The following CPE variants were observed in gnomAD, a reference collection of about 807,000 sequenced individuals.
The protein encoded by CPE is carboxypeptidase E.
A neutral mutation model predicts 53.5 loss-of-function variants in CPE; 17 were observed. The observed-to-expected ratio is 0.32, with a 90% confidence interval of 0.22 to 0.48. The LOEUF is 0.48. CPE is among the 20% of genes least tolerant of loss of function. The pLI is 0.99. For missense variants in CPE, 524 were observed against 614.7 expected (o/e 0.85, Z 1.56); for synonymous variants, 226 against 228.8 (o/e 0.99, Z 0.11).
At position 165,482,345 on chromosome 4, in the gene CPE, A is replaced by C; in HGVS notation, c.776A>C (p.Asp259Ala). The change falls in exon 4 of 9, where the codon GAT becomes GCT. Residue 259 changes from aspartate (D) to alanine (A), a missense_variant. Coordinates refer to ENST00000402744, the MANE Select transcript of CPE (RefSeq NM_001873.4). ...GGDLVANYPY[D>A]ETRSGSAHEY... ...GACCTTGTGGCCAATTATCCATATG[A>C]TGAGACGCGGAGTGGTAGGTATTCT... is the stretch of plus-strand genomic sequence containing the variant. 1 of 1,611,050 alleles carries C rather than the reference A, an allele frequency of 6.2e-7. No homozygotes were observed. The highest frequency in any genetic ancestry group is 8.5e-7 in the Non-Finnish European group (1 of 1,177,242).
intron 1 of CPE, among the ~76,000 whole-genome samples, chr4:165,461,179 AAAAAAAAAG>A (rs1731995014): frequency 2.4e-5 from 3 of 126,562 alleles, no homozygotes; most frequent in East Asian, 2.2e-4. Context: ...AAAAAAAAAA[AAAAAAAAAG>A]AAAGAAAGAA....
chr4:165,497,216 G>T (rs1732717097), intron 8 of CPE, among the ~76,000 whole-genome samples: 1 of 152,144 alleles, frequency 6.6e-6, no homozygotes, highest in Non-Finnish European at 1.5e-5. Flanking sequence ...CACCGCGCCT[G>T]GCCAGTTACA....
intron 5 of CPE, among the ~76,000 whole-genome samples, chr4:165,485,225 G>T (rs1008288222): frequency 5.9e-5 from 9 of 152,110 alleles, no homozygotes; most frequent in Non-Finnish European, 1.3e-4. Context: ...TCCCAAGGCG[G>T]ACTTTACAGA....
At chr4:165,388,705 A>G (rs1394010393) in intron 1 of CPE, among the ~76,000 whole-genome samples, 5 of 152,240 alleles carry the variant, frequency 3.3e-5, no homozygotes, top group Admixed American at 6.5e-5. Flanking sequence ...CACAAAGACA[A>G]TATCTGTAGG....
chr4:165,441,542 C>A (rs1283558783), intron 1 of CPE, among the ~76,000 whole-genome samples: 1 of 152,148 alleles, frequency 6.6e-6, no homozygotes, highest in African/African-American at 2.4e-5. Flanking sequence ...CATTCTAGAA[C>A]CAGTCATTAT....
intron 8 of CPE, among the ~76,000 whole-genome samples, chr4:165,495,970 C>T (rs1377298923): frequency 1.3e-5 from 2 of 151,880 alleles, no homozygotes; most frequent in Admixed American, 1.3e-4. Context: ...TTTCATTTGC[C>T]TTTTTATCTT....
chr4:165,481,106 C>T (rs1732404173), intron 3 of CPE, among the ~76,000 whole-genome samples: 1 of 149,778 alleles, frequency 6.7e-6, no homozygotes, highest in Non-Finnish European at 1.5e-5. Flanking sequence ...CACTTTTCCA[C>T]AGTTAACAGT....
chr4:165,394,026 A>C (rs928527418), intron 1 of CPE, among the ~76,000 whole-genome samples: 2 of 152,198 alleles, frequency 1.3e-5, no homozygotes, highest in African/African-American at 4.8e-5. Context: ...AAAGTGGATA[A>C]AAAGGAGAGG....
intron 1 of CPE, among the ~76,000 whole-genome samples, chr4:165,450,983 T>A (rs190654314): frequency 1.6e-4 from 24 of 152,326 alleles, no homozygotes; most frequent in Admixed American, 1.4e-3. Context: ...CAAATGGCCT[T>A]TCTCCACTCA....
chr4:165,459,083 G>C (rs939929858), intron 1 of CPE, among the ~76,000 whole-genome samples: 15 of 152,118 alleles, frequency 9.9e-5, no homozygotes, highest in Non-Finnish European at 1.6e-4. Context: ...TGAGTTTCTG[G>C]GGTGTAAAAG....
In CPE at chr4:165,482,287, C is replaced by G; in HGVS notation, c.718C>G (p.Pro240Ala). 2 of 1,613,974 alleles carry G rather than the reference C, an allele frequency of 1.2e-6. No individual in the cohort carries two copies. The highest frequency in any genetic ancestry group is 1.7e-6 in the Non-Finnish European group (2 of 1,179,906). ...TGTCATTCATTGGATTATGGATATTCCTTTTGTGCTTTCTGCCAATCTCCA... is the reference window on the plus strand; with the variant it reads ...TGTCATTCATTGGATTATGGATATTGCTTTTGTGCTTTCTGCCAATCTCCA... Reference protein sequence around the residue: ...KAVIHWIMDIPFVLSANLHGG... With the variant: ...KAVIHWIMDIAFVLSANLHGG... The change falls in exon 4 of 9, where the codon CCT becomes GCT. Residue 240 changes from proline (P) to alanine (A), a missense_variant. Pro to Ala is a conservative substitution (Grantham distance 27, BLOSUM62 -1). Coordinates refer to ENST00000402744, the MANE Select transcript of CPE (RefSeq NM_001873.4).
chr4:165,456,739 ATTTTTT>A (rs35855408), intron 1 of CPE, among the ~76,000 whole-genome samples: 33 of 101,190 alleles, frequency 3.3e-4, no homozygotes, highest in African/African-American at 1.1e-3. Context: ...TGCCCAGCTA[ATTTTTT>A]TTTTTTTTTT....
At chr4:165,483,393 A>G (rs531381410) in intron 4 of CPE, among the ~76,000 whole-genome samples, 45 of 152,314 alleles carry the variant, frequency 3.0e-4, no homozygotes, top group African/African-American at 9.6e-4. Flanking sequence ...TCAACCATTG[A>G]TGGACAATTA....
At chr4:165,419,491 A>T (rs10011232) in intron 1 of CPE, among the ~76,000 whole-genome samples, 44,976 of 152,046 alleles carry the variant, frequency 0.3, 6,741 homozygotes, top group Middle Eastern at 0.39. Flanking sequence ...ACTTTATGTA[A>T]GTCATTTTAT....
In CPE at chr4:165,467,708, G is replaced by C; in HGVS notation, c.525G>C (p.Trp175Cys). 1 of 1,608,606 alleles carries C rather than the reference G, an allele frequency of 6.2e-7. No individual in the cohort carries two copies. The highest frequency in any genetic ancestry group is 8.5e-7 in the Non-Finnish European group (1 of 1,177,752). ...TTTAGCCTGGTGAACTCAAGGACTG[G>C]TTTGTGGGTCGAAGCAATGCCCAGG... is the stretch of plus-strand genomic sequence containing the variant. ...AASQPGELKD[W>C]FVGRSNAQGI... The change falls in exon 3 of 9, where the codon TGG becomes TGC. Residue 175 changes from tryptophan (W) to cysteine (C), a missense_variant. Transcript: ENST00000402744.
rs568794185 is a variant in CPE at position 165,474,674 on chromosome 4, G to A, written c.672+6819G>A. ...TCATCCTTGGGACTCTGGAATAACC[G>A]TTCTTACTGTATACCCCTAACCTTT... On this transcript the variant is annotated intron_variant, in intron 3 of 8. Transcript: ENST00000402744. Among the ~76,000 whole-genome samples the A allele has an allele frequency of 5.3e-5, 8 of 152,258 alleles. No individual in the cohort carries two copies. The East Asian group carries it at 9.6e-4, about 18-fold the overall frequency.
At chr4:165,431,658 T>C (rs1421684527) in intron 1 of CPE, among the ~76,000 whole-genome samples, 1 of 152,200 alleles carries the variant, frequency 6.6e-6, no homozygotes, top group Non-Finnish European at 1.5e-5. Context: ...GTTTTTTCTG[T>C]ATATATTATA....
At chr4:165,467,335 A>G (rs1185250691) in intron 2 of CPE, among the ~76,000 whole-genome samples, 5 of 152,222 alleles carry the variant, frequency 3.3e-5, no homozygotes. Context: ...AGAAAAAAGA[A>G]AAAGAAACTA....
chr4:165,451,681 G>A (rs1274854538), intron 1 of CPE, among the ~76,000 whole-genome samples: 3 of 151,812 alleles, frequency 2.0e-5, no homozygotes, highest in South Asian at 2.1e-4. Context: ...TAGTACAGAC[G>A]GGGTTTCACC....
Sources: allele counts gnomAD v4.1 joint callset (sites outside exome capture counted in the v4.1 genomes callset), GRCh38; gene constraint gnomAD v4.1.1; transcripts MANE v1.5; gene names NCBI Gene and HGNC (gene_info 2026-07-23, HGNC 2026-07-21).